Variants in ARHGAP15 observed in about 807,000 individuals in gnomAD.
The protein encoded by ARHGAP15 is rho GTPase-activating protein 15.
A neutral mutation model predicts 63.7 loss-of-function variants in ARHGAP15; 51 were observed. The observed-to-expected ratio is 0.80, with a 90% CI of 0.64 to 1.01. The LOEUF (loss-of-function observed/expected upper bound fraction) is 1.01. ARHGAP15 is among the 50% of genes least tolerant of loss of function. ARHGAP15 has a pLI of 0.00. For missense variants in ARHGAP15, 560 were observed against 564.6 expected (o/e 0.99, Z 0.08); for synonymous variants, 191 against 193.8 (o/e 0.99, Z 0.12).
At chr2:143,494,120 T>G (rs540990203) in intron 9 of ARHGAP15, among the ~76,000 whole-genome samples, 1 of 152,270 alleles carries the variant, frequency 6.6e-6, no homozygotes, top group South Asian at 2.1e-4. Context: ...CTTTCTTCAG[T>G]GCTGGATTTT....
chr2:143,255,071 G>A (rs1346560752), intron 6 of ARHGAP15, among the ~76,000 whole-genome samples: 1 of 151,830 alleles, frequency 6.6e-6, no homozygotes, highest in Non-Finnish European at 1.5e-5. Flanking sequence ...ACAGTGACTG[G>A]CCTCAGTTTT....
chr2:143,582,803 C>T (rs770908919), intron 11 of ARHGAP15, among the ~76,000 whole-genome samples: 5 of 152,224 alleles, frequency 3.3e-5, no homozygotes, highest in Admixed American at 6.5e-5. Flanking sequence ...AAACACTTCT[C>T]ATACCAGCTT....
intron 11 of ARHGAP15, among the ~76,000 whole-genome samples, chr2:143,610,784 A>G (rs1221913894): frequency 6.6e-6 from 1 of 152,112 alleles, no homozygotes; most frequent in Admixed American, 6.6e-5. Context: ...GGTACAGTGC[A>G]GTGGTGTGAT....
chr2:143,441,387 T>C (rs939293017), intron 8 of ARHGAP15, among the ~76,000 whole-genome samples: 1 of 152,120 alleles, frequency 6.6e-6, no homozygotes, highest in Non-Finnish European at 1.5e-5. Flanking sequence ...CAAGAAACAC[T>C]CTTGATTCTC....
intron 12 of ARHGAP15, among the ~76,000 whole-genome samples, chr2:143,680,771 G>A (rs1157004507): frequency 2.0e-5 from 3 of 152,194 alleles, no homozygotes; most frequent in Non-Finnish European, 4.4e-5. Context: ...AGAGCCACTA[G>A]TCAGTATATA....
At chr2:143,442,113 C>A (rs919457759) in intron 8 of ARHGAP15, among the ~76,000 whole-genome samples, 4 of 152,100 alleles carry the variant, frequency 2.6e-5, no homozygotes, top group African/African-American at 9.7e-5. Flanking sequence ...AGTATCATGA[C>A]CATGCCAAGT....
chr2:143,165,888 C>T lies in ARHGAP15; in HGVS notation c.165+10233C>T, dbSNP rs139451983. ...ATCAAATAGGAAAGAAATTTACATT[C>T]CTGGATGTACTATCCTTAACCTCCA... On this transcript the variant is annotated intron_variant, in intron 2 of 13. Coordinates refer to ENST00000295095, the MANE Select transcript of ARHGAP15 (RefSeq NM_018460.4). 5.3e-5 allele frequency among the ~76,000 whole-genome samples: 8 copies of T among 150,306 alleles called. No individual in the cohort carries two copies. In the East Asian group the frequency reaches 1.6e-3, roughly 30 times the overall value.
intron 8 of ARHGAP15, among the ~76,000 whole-genome samples, chr2:143,452,867 A>C (rs1690471622): frequency 6.6e-6 from 1 of 152,034 alleles, no homozygotes; most frequent in Non-Finnish European, 1.5e-5. Flanking sequence ...ATATAGTAGA[A>C]TTCAAAATAA....
At chr2:143,637,878 C>G (rs1214822691) in intron 12 of ARHGAP15, among the ~76,000 whole-genome samples, 3 of 152,070 alleles carry the variant, frequency 2.0e-5, no homozygotes, top group Admixed American at 2.0e-4. Flanking sequence ...GACATTTAGG[C>G]AGCCAAAAAA....
At chr2:143,603,665 G>C (rs1340101654) in intron 11 of ARHGAP15, among the ~76,000 whole-genome samples, 1 of 152,186 alleles carries the variant, frequency 6.6e-6, no homozygotes, top group Non-Finnish European at 1.5e-5. Context: ...GAATCTTAAA[G>C]CTGTTGAAGT....
Position 143,154,191 on chromosome 2 carries a change from A to G in ARHGAP15, c.-14-1286A>G, listed in dbSNP as rs370292166. 5.1e-4 allele frequency among the ~76,000 whole-genome samples: 78 copies of G among 151,880 alleles called. 1 individual carries two copies. The East Asian group carries it at 0.012, about 23-fold the overall frequency. On this transcript the variant is annotated intron_variant, in intron 1 of 13. Coordinates refer to ENST00000295095, the MANE Select transcript of ARHGAP15 (RefSeq NM_018460.4). ...AATATGGGTTTAATGGCTATTTTAT[A>G]GGAGTTTTTTGAGAATCAACCATTG...
chr2:143,685,447 C>T (rs1392483008), intron 12 of ARHGAP15, among the ~76,000 whole-genome samples: 7 of 152,184 alleles, frequency 4.6e-5, no homozygotes, highest in Non-Finnish European at 8.8e-5. Context: ...TGGGATTTAG[C>T]AAGTTCCATT....
intron 2 of ARHGAP15, among the ~76,000 whole-genome samples, chr2:143,181,430 A>C (rs565858782): frequency 6.6e-6 from 1 of 152,342 alleles, no homozygotes; most frequent in South Asian, 2.1e-4. Flanking sequence ...GACATATTTC[A>C]TATAAAGGTA....
chr2:143,470,526 TTATA>T (rs57336698), intron 8 of ARHGAP15, among the ~76,000 whole-genome samples: 3 of 148,250 alleles, frequency 2.0e-5, no homozygotes, highest in African/African-American at 7.4e-5. Flanking sequence ...TTCTTTTGTT[TTATA>T]TATATATATA....
rs1692621926 is a variant in ARHGAP15 at position 143,492,381 on chromosome 2, TCTTCTA to T, written c.826+4893_826+4898del. 1.3e-5 allele frequency among the ~76,000 whole-genome samples: 2 copies of T among 152,180 alleles called. 1 individual carries two copies. Among genetic ancestry groups the T allele is most frequent in the Non-Finnish European group, 2.9e-5 (2 of 68,040 alleles). On this transcript the variant is annotated intron_variant, in intron 9 of 13. Coordinates refer to ENST00000295095, the MANE Select transcript of ARHGAP15 (RefSeq NM_018460.4). ...CTCCTCTCATCTCCTCTGCCTCTTCTCTTCTACTTCTATGTCATACAAACTTATTTT... is the reference window on the plus strand; with the variant it reads ...CTCCTCTCATCTCCTCTGCCTCTTCTCTTCTATGTCATACAAACTTATTTT...
chr2:143,423,670 G>A (rs951323394), intron 6 of ARHGAP15, among the ~76,000 whole-genome samples: 1 of 152,116 alleles, frequency 6.6e-6, no homozygotes, highest in African/African-American at 2.4e-5. Flanking sequence ...GAATGAAGAG[G>A]TGGAGTTTGC....
chr2:143,530,794 T>G (rs1694492144), intron 10 of ARHGAP15, among the ~76,000 whole-genome samples: 1 of 152,218 alleles, frequency 6.6e-6, no homozygotes, highest in Non-Finnish European at 1.5e-5. Context: ...TGTATGATTC[T>G]TTTGTCCTCA....
At chr2:143,393,832 A>G (rs927905898) in intron 6 of ARHGAP15, among the ~76,000 whole-genome samples, 11 of 151,876 alleles carry the variant, frequency 7.2e-5, no homozygotes, top group Admixed American at 3.3e-4. Context: ...AAACAGAAAC[A>G]CTTCAAATTG....
rs114572342 is a variant in ARHGAP15, at chr2:143,152,198, C to T, written c.-14-3279C>T. On this transcript the variant is annotated intron_variant, in intron 1 of 13. Coordinates refer to ENST00000295095, the MANE Select transcript of ARHGAP15 (RefSeq NM_018460.4). Reference sequence around the variant, plus strand: ...TGATCAGATATCCCCACAGAGAGGTCAAATGCTACCTTCTCTATGAAATCC... The same window carrying T: ...TGATCAGATATCCCCACAGAGAGGTTAAATGCTACCTTCTCTATGAAATCC... 7.5e-3 allele frequency among the ~76,000 whole-genome samples: 1,142 copies of T among 152,102 alleles called. 12 individuals carry two copies. Among genetic ancestry groups the T allele is most frequent in the African/African-American group, 0.027 (1,106 of 41,548 alleles).
Sources: allele counts gnomAD v4.1 joint callset (sites outside exome capture counted in the v4.1 genomes callset), GRCh38; gene constraint gnomAD v4.1.1; transcripts MANE v1.5; gene names NCBI Gene and HGNC (gene_info 2026-07-23, HGNC 2026-07-21).